The following SHC4 variants were observed in gnomAD, a reference collection of about 807,000 sequenced individuals.
SHC4 encodes the protein SHC adaptor protein 4, also known as SHC-transforming protein 4.
SHC4 carries 41 observed loss-of-function variants against 69.4 expected under a neutral mutation model. That is an observed-to-expected ratio of 0.59 (90% CI 0.46 to 0.77). The LOEUF (loss-of-function observed/expected upper bound fraction) is 0.77, where lower values mean the gene tolerates loss of function less well. Ranked by LOEUF, SHC4 falls within the 30% of genes least tolerant of loss-of-function variation. SHC4 has a pLI of 0.00. For missense variants in SHC4, 777 were observed against 783.8 expected (o/e 0.99, Z 0.10); for synonymous variants, 318 against 299.3 (o/e 1.06, Z -0.64).
chr15:48,906,028 ATGAAATATAGAAAC>A (rs1398710578), intron 2 of SHC4, among the ~76,000 whole-genome samples: 1 of 152,188 alleles, frequency 6.6e-6, no homozygotes, highest in East Asian at 1.9e-4. Flanking sequence ...TCCTCAGCAA[ATGAAATATAGAAAC>A]TGCCAACAGC....
intron 11 of SHC4, among the ~76,000 whole-genome samples, chr15:48,831,113 AAAG>A (rs1461435506): frequency 1.3e-4 from 20 of 152,162 alleles, no homozygotes; most frequent in Non-Finnish European, 2.4e-4. Context: ...GGATATAAAG[AAAG>A]AAGATATTTT....
chr15:48,843,144 A>T (rs1899024323), intron 10 of SHC4, among the ~76,000 whole-genome samples: 1 of 152,166 alleles, frequency 6.6e-6, no homozygotes, highest in Non-Finnish European at 1.5e-5. Context: ...ATAGAGACAC[A>T]GGGGCAGTCA....
At chr15:48,884,134 T>C in intron 4 of SHC4, 114 bp downstream of exon 4, 1 of 1,140,288 alleles carries the variant, frequency 8.8e-7, no homozygotes, top group Non-Finnish European at 1.1e-6. Context: ...ATTTTTCCCT[T>C]GTGCTGTATT....
chr15:48,876,847 C>T, intron 4 of SHC4: 1 of 300,594 alleles, frequency 3.3e-6, no homozygotes, highest in African/African-American at 2.1e-5. Context: ...CACAGACACA[C>T]CAATGATCAA....
intron 1 of SHC4, among the ~76,000 whole-genome samples, chr15:48,941,649 T>A (rs1901176673): frequency 6.6e-6 from 1 of 152,216 alleles, no homozygotes; most frequent in African/African-American, 2.4e-5. Context: ...TAAATTATTT[T>A]AATTATGAAT....
chr15:48,869,704 T>C (rs546357245), intron 5 of SHC4, among the ~76,000 whole-genome samples: 2 of 152,310 alleles, frequency 1.3e-5, no homozygotes, highest in Admixed American at 6.5e-5. Context: ...CCTGACCTGA[T>C]GGTAAAACTT....
intron 3 of SHC4, among the ~76,000 whole-genome samples, chr15:48,889,861 C>A (rs947878183): frequency 6.6e-6 from 1 of 152,034 alleles, no homozygotes; most frequent in Non-Finnish European, 1.5e-5. Flanking sequence ...AAAAACAAAA[C>A]AAAAACAAAA....
intron 2 of SHC4, among the ~76,000 whole-genome samples, chr15:48,919,974 A>G (rs1900714475): frequency 6.6e-6 from 1 of 151,894 alleles, no homozygotes. Context: ...TACTATTTAC[A>G]AAATAATAGG....
In SHC4 at chr15:48,864,436, C is replaced by CTTTT. The variant is rs35549079; in HGVS notation, c.946+3378_946+3381dup. ...TGCTTTCCAATACCAATACCACTTT[C>CTTTT]TTTTTTTTTTTTTTTTTTTTTTTTT... is the stretch of plus-strand genomic sequence containing the variant. On this transcript the variant is annotated intron_variant, in intron 6 of 11. Transcript: ENST00000332408. Among the ~76,000 whole-genome samples the CTTTT allele has an allele frequency of 6.4e-4, 35 of 55,060 alleles. 2 individuals are homozygous for CTTTT. Among genetic ancestry groups the CTTTT allele is most frequent in the African/African-American group, 1.3e-3 (19 of 14,244 alleles). The allele number at this position is 55,060 out of a possible 152,430, so 36.1% of individuals were successfully genotyped here. A position where few individuals can be genotyped will look rare whatever the true frequency, so the allele number is the denominator to read the frequency against.
At chr15:48,847,964 T>C (rs994341249) in intron 9 of SHC4, among the ~76,000 whole-genome samples, 1 of 144,454 alleles carries the variant, frequency 6.9e-6, no homozygotes, top group Non-Finnish European at 1.5e-5. Flanking sequence ...ATGGCGCCAT[T>C]GCACTCCAGC....
At chr15:48,955,786 T>C (rs10775138) in intron 1 of SHC4, among the ~76,000 whole-genome samples, 151,520 of 152,344 alleles carry the variant, frequency 0.99, 75,354 homozygotes, top group Middle Eastern at 1. Flanking sequence ...TGGTGTAGCA[T>C]ATTTATTTCA....
intron 4 of SHC4, among the ~76,000 whole-genome samples, chr15:48,874,476 C>T (rs1483421168): frequency 7.8e-6 from 1 of 128,352 alleles, no homozygotes; most frequent in Non-Finnish European, 1.8e-5. Flanking sequence ...CTCCCCGTTG[C>T]TCACATTACT....
intron 2 of SHC4, among the ~76,000 whole-genome samples, chr15:48,892,251 A>T (rs1367977534): frequency 6.6e-6 from 1 of 152,174 alleles, no homozygotes; most frequent in Non-Finnish European, 1.5e-5. Flanking sequence ...GAATTCCCAA[A>T]GATTCTAGGC....
At position 48,916,953 on chromosome 15, in the gene SHC4, G is replaced by C. The variant is rs527259437; in HGVS notation, c.656+7926C>G. Among the ~76,000 whole-genome samples, 429 of 152,330 alleles carry C rather than the reference G, an allele frequency of 2.8e-3. 1 individual carries two copies. The highest frequency in any genetic ancestry group is 0.01 in the African/African-American group (419 of 41,562). On this transcript the variant is annotated intron_variant, in intron 2 of 11. Transcript: ENST00000332408. ...CCAATGGTGTGCTCCGCCCCTCGGG[G>C]TGAATTATGTACTGTGGTGATGAAA... is the stretch of plus-strand genomic sequence containing the variant.
chr15:48,864,445 T>C (rs1208380580), intron 6 of SHC4, among the ~76,000 whole-genome samples: 1 of 127,520 alleles, frequency 7.8e-6, no homozygotes, highest in African/African-American at 3.1e-5. Flanking sequence ...TCTTTTTTTT[T>C]TTTTTTTTTT....
At chr15:48,861,371 T>A (rs1379819829) in intron 6 of SHC4, among the ~76,000 whole-genome samples, 1 of 152,214 alleles carries the variant, frequency 6.6e-6, no homozygotes, top group African/African-American at 2.4e-5. Flanking sequence ...TTCTGCCCAG[T>A]CTCACCACCT....
At chr15:48,830,558 C>T (rs1898777588) in intron 11 of SHC4, among the ~76,000 whole-genome samples, 1 of 151,960 alleles carries the variant, frequency 6.6e-6, no homozygotes, top group Non-Finnish European at 1.5e-5. Context: ...AACAGGAAGG[C>T]ATAGCTGAAG....
At chr15:48,867,246 T>A (rs1490796530) in intron 6 of SHC4, among the ~76,000 whole-genome samples, 2 of 152,154 alleles carry the variant, frequency 1.3e-5, no homozygotes, top group African/African-American at 4.8e-5. Context: ...AATAGAAATG[T>A]GGAGTGTTAA....
intron 1 of SHC4, among the ~76,000 whole-genome samples, chr15:48,943,354 G>GT (rs1445067494): frequency 2.0e-5 from 3 of 152,070 alleles, no homozygotes; most frequent in Non-Finnish European, 4.4e-5. Flanking sequence ...TCATGCAGTA[G>GT]TTTTCTTTCT....
Sources: allele counts gnomAD v4.1 joint callset (sites outside exome capture counted in the v4.1 genomes callset), GRCh38; gene constraint gnomAD v4.1.1; transcripts MANE v1.5; gene names NCBI Gene and HGNC (gene_info 2026-07-23, HGNC 2026-07-21).